The following VPS13B variants were observed in gnomAD, a reference collection of about 807,000 sequenced individuals.
VPS13B encodes the protein intermembrane lipid transfer protein VPS13B.
In VPS13B, 285 loss-of-function variants were observed where a neutral mutation model predicts 426.4. The ratio of observed to expected loss-of-function variants is 0.67; its 90% CI spans 0.61 to 0.74. The LOEUF (loss-of-function observed/expected upper bound fraction) is 0.74, where lower values mean the gene tolerates loss of function less well. Among genes scored for constraint, VPS13B ranks in the 30% least tolerant of loss-of-function variants. The probability of loss-of-function intolerance (pLI) is 0.00; values close to 1 mark genes in which losing one functional copy is unlikely to be tolerated. For synonymous variants in VPS13B, 1,676 were observed against 1,676.4 expected (o/e 1.00, Z 0.01); for missense variants, 4,537 against 4,782.6 (o/e 0.95, Z 1.51).
chr8:99,391,765 G>T, intron 21 of VPS13B, 61 bp downstream of exon 21: 2 of 1,584,580 alleles, frequency 1.3e-6, no homozygotes, highest in Non-Finnish European at 1.7e-6. Context: ...TAGCAAGTTA[G>T]CATCCACAAT....
At chr8:99,302,639 G>A (rs114229507) in intron 19 of VPS13B, among the ~76,000 whole-genome samples, 8 of 152,090 alleles carry the variant, frequency 5.3e-5, no homozygotes, top group Admixed American at 4.6e-4. Flanking sequence ...CCTGCCAGGT[G>A]GCTGGCATTA....
intron 21 of VPS13B, among the ~76,000 whole-genome samples, chr8:99,394,873 G>T (rs967541078): frequency 6.6e-6 from 1 of 152,160 alleles, no homozygotes; most frequent in Non-Finnish European, 1.5e-5. Context: ...ATGAAGACAT[G>T]TGATAATGAT....
At chr8:99,199,005 A>G (rs887510769) in intron 17 of VPS13B, among the ~76,000 whole-genome samples, 1 of 152,176 alleles carries the variant, frequency 6.6e-6, no homozygotes, top group Non-Finnish European at 1.5e-5. Context: ...CTCTCATTAC[A>G]TAGTACTCAG....
At chr8:99,497,754 AATT>A (rs1242616419) in intron 25 of VPS13B, among the ~76,000 whole-genome samples, 1 of 152,108 alleles carries the variant, frequency 6.6e-6, no homozygotes, top group Admixed American at 6.5e-5. Flanking sequence ...ATCTACCTCA[AATT>A]ATTATGCAAA....
At chr8:99,638,118 C>A (rs1299322366) in intron 33 of VPS13B, among the ~76,000 whole-genome samples, 2 of 151,974 alleles carry the variant, frequency 1.3e-5, no homozygotes, top group African/African-American at 4.8e-5. Flanking sequence ...ATTTTGATAA[C>A]AATTATCTTT....
chr8:99,439,919 A>G (rs1388657), intron 22 of VPS13B, among the ~76,000 whole-genome samples: 26,769 of 152,106 alleles, frequency 0.18, 2,859 homozygotes, highest in East Asian at 0.38. Flanking sequence ...CAAATAGCAC[A>G]TAAACTAGAA....
At chr8:99,598,881 T>A (rs1276112064) in intron 33 of VPS13B, among the ~76,000 whole-genome samples, 1 of 151,944 alleles carries the variant, frequency 6.6e-6, no homozygotes, top group Non-Finnish European at 1.5e-5. Context: ...TAGTTAAAAA[T>A]TATGATTTTT....
chr8:99,830,386 T>C (rs924437885), intron 51 of VPS13B, among the ~76,000 whole-genome samples: 2 of 152,160 alleles, frequency 1.3e-5, no homozygotes, highest in Non-Finnish European at 2.9e-5. Flanking sequence ...TTCTGGAGGC[T>C]TTGTTTACAC....
chr8:99,441,235 C>CAA (rs1817661926), intron 22 of VPS13B, among the ~76,000 whole-genome samples: 2 of 152,192 alleles, frequency 1.3e-5, no homozygotes, highest in South Asian at 4.1e-4. Context: ...GAAGCAAAGA[C>CAA]AAACAGGTTT....
At chr8:99,778,231 C>CAA (rs377457529) in intron 41 of VPS13B, among the ~76,000 whole-genome samples, 4 of 94,482 alleles carry the variant, frequency 4.2e-5, no homozygotes, top group African/African-American at 4.0e-5. Context: ...GACTCCATCT[C>CAA]AAAAAAAAAA....
chr8:99,715,432 T>A (rs1455582001), intron 36 of VPS13B, among the ~76,000 whole-genome samples: 1 of 152,184 alleles, frequency 6.6e-6, no homozygotes, highest in Non-Finnish European at 1.5e-5. Context: ...TTCTTTGATG[T>A]TTTAAAATAA....
At chr8:99,107,120 T>C (rs1349079094) in intron 5 of VPS13B, among the ~76,000 whole-genome samples, 3 of 152,216 alleles carry the variant, frequency 2.0e-5, no homozygotes, top group Admixed American at 1.3e-4. Context: ...TTCATAATAG[T>C]AATGCCATTT....
In VPS13B at chr8:99,813,614, G is replaced by A. The variant is rs548213557; in HGVS notation, c.8098-3926G>A. Among the ~76,000 whole-genome samples the A allele has an allele frequency of 1.6e-4, 24 of 152,304 alleles. 2 individuals carry two copies. In the South Asian group the frequency reaches 3.3e-3, roughly 21 times the overall value. ...CAGTTGACTTTTATGGTTTGTTATT[G>A]TGAAAGCATAGTTTTAAAAGATTAT... On this transcript the variant is annotated intron_variant, in intron 44 of 61. Transcript: ENST00000357162.
intron 56 of VPS13B, among the ~76,000 whole-genome samples, chr8:99,858,981 C>T (rs936673087): frequency 4.6e-5 from 7 of 152,128 alleles, no homozygotes; most frequent in Non-Finnish European, 8.8e-5. Flanking sequence ...CCCAAGAAGG[C>T]GCCCTTCCTC....
intron 36 of VPS13B, among the ~76,000 whole-genome samples, chr8:99,707,036 G>A (rs1420256724): frequency 2.0e-5 from 3 of 152,122 alleles, no homozygotes; most frequent in Non-Finnish European, 4.4e-5. Context: ...TCCCTGGTTG[G>A]TCCCCTGGAC....
chr8:99,590,608 A>C (rs1201620460), intron 33 of VPS13B, among the ~76,000 whole-genome samples: 1 of 152,206 alleles, frequency 6.6e-6, no homozygotes, highest in Non-Finnish European at 1.5e-5. Flanking sequence ...GTAGTCATTC[A>C]GGAGCAAGTT....
intron 33 of VPS13B, among the ~76,000 whole-genome samples, chr8:99,624,742 T>C (rs1170744811): frequency 6.6e-6 from 1 of 152,130 alleles, no homozygotes; most frequent in African/African-American, 2.4e-5. Flanking sequence ...AACTCTTTCT[T>C]TTCTACCATT....
At chr8:99,459,509 A>G (rs1268938131) in intron 23 of VPS13B, among the ~76,000 whole-genome samples, 1 of 152,212 alleles carries the variant, frequency 6.6e-6, no homozygotes, top group Non-Finnish European at 1.5e-5. Flanking sequence ...AGCCTACTCT[A>G]CATTTAGGCT....
chr8:99,755,838 G>T (rs1169400489), intron 39 of VPS13B, among the ~76,000 whole-genome samples: 1 of 151,828 alleles, frequency 6.6e-6, no homozygotes, highest in Admixed American at 6.6e-5. Flanking sequence ...GATTTTTAAA[G>T]TTCCCTTTGT....
Sources: gnomAD v4.1 joint callset for allele counts (sites outside exome capture counted in the v4.1 genomes callset) on GRCh38, gnomAD v4.1.1 for gene constraint, MANE v1.5 for transcripts, NCBI Gene and HGNC (gene_info 2026-07-23, HGNC 2026-07-21) for gene names.